The following PTPRR variants were observed in gnomAD, a reference collection of about 807,000 sequenced individuals.
The protein encoded by PTPRR is receptor-type tyrosine-protein phosphatase R.
PTPRR carries 38 observed loss-of-function variants against 77.2 expected under a neutral mutation model. That is an observed-to-expected ratio of 0.49 (90% confidence interval 0.38 to 0.65). The LOEUF (loss-of-function observed/expected upper bound fraction) is 0.65, where lower values mean the gene tolerates loss of function less well. Ranked by LOEUF, PTPRR falls within the 30% of genes least tolerant of loss-of-function variation. The pLI is 0.00. For synonymous variants in PTPRR, 299 were observed against 283.1 expected, an observed-to-expected ratio of 1.06 and a Z score of -0.57; for missense variants, 744 against 799.2, an observed-to-expected ratio of 0.93 and a Z score of 0.83.
rs1891195214 is a variant in PTPRR at position 70,781,154 on chromosome 12, A to G, written c.358-16376T>C. On this transcript the variant is annotated intron_variant, in intron 2 of 13. Coordinates refer to ENST00000283228, the MANE Select transcript of PTPRR (RefSeq NM_002849.4). ...CCTACGTCTTTTTCAGGCAGGAGAG[A>G]CAGCTGCTATGTCTTGGTCCACTAA... Among the ~76,000 whole-genome samples, 3 of 152,184 alleles carry G rather than the reference A, an allele frequency of 2.0e-5. No homozygotes were observed. The South Asian group carries it at 6.2e-4, about 31-fold the overall frequency.
intron 4 of PTPRR, chr12:70,754,776 A>G: frequency 6.7e-7 from 1 of 1,501,530 alleles, no homozygotes; most frequent in Non-Finnish European, 8.9e-7. Context: ...TACAGCAACA[A>G]TGCCAGCATT....
chr12:70,642,683 A>T (rs547805203), intron 13 of PTPRR, among the ~76,000 whole-genome samples: 1 of 152,156 alleles, frequency 6.6e-6, no homozygotes, highest in Non-Finnish European at 1.5e-5. Flanking sequence ...TTGTCAAATG[A>T]ATTACCCAGG....
chr12:70,779,525 C>T (rs7958783), intron 2 of PTPRR, among the ~76,000 whole-genome samples: 19,465 of 152,176 alleles, frequency 0.13, 1,321 homozygotes, highest in African/African-American at 0.15. Flanking sequence ...ATCAGATCAC[C>T]CTGCTTTCTT....
At chr12:70,774,741 T>G (rs982419326) in intron 2 of PTPRR, among the ~76,000 whole-genome samples, 13 of 152,182 alleles carry the variant, frequency 8.5e-5, no homozygotes, top group Non-Finnish European at 1.5e-4. Flanking sequence ...ATGCCAGGCA[T>G]TATATATGAG....
intron 6 of PTPRR, among the ~76,000 whole-genome samples, chr12:70,716,879 A>G (rs1889050979): frequency 6.6e-6 from 1 of 152,210 alleles, no homozygotes; most frequent in African/African-American, 2.4e-5. Flanking sequence ...ATCACAGAAG[A>G]CACTTCAGTC....
intron 13 of PTPRR, among the ~76,000 whole-genome samples, chr12:70,651,336 A>T (rs1886387118): frequency 6.6e-6 from 1 of 152,236 alleles, no homozygotes; most frequent in Non-Finnish European, 1.5e-5. Context: ...GTGTTATGCC[A>T]TCTCCCATCT....
chr12:70,753,298 G>A (rs557357889), intron 5 of PTPRR, among the ~76,000 whole-genome samples: 25 of 152,100 alleles, frequency 1.6e-4, no homozygotes, highest in Non-Finnish European at 3.4e-4. Flanking sequence ...TAGCAACATT[G>A]TTGATTGTGG....
At chr12:70,819,785 T>A (rs900508485) in intron 2 of PTPRR, among the ~76,000 whole-genome samples, 1 of 152,230 alleles carries the variant, frequency 6.6e-6, no homozygotes, top group Non-Finnish European at 1.5e-5. Flanking sequence ...GCATTGCTTT[T>A]GGTCAAACTT....
intron 2 of PTPRR, among the ~76,000 whole-genome samples, chr12:70,840,597 T>C (rs1892379816): frequency 6.6e-6 from 1 of 152,162 alleles, no homozygotes; most frequent in African/African-American, 2.4e-5. Flanking sequence ...CTTTTTTAAC[T>C]TGACCTTTCC....
intron 2 of PTPRR, among the ~76,000 whole-genome samples, chr12:70,811,309 T>G (rs1364770031): frequency 6.6e-6 from 1 of 152,206 alleles, no homozygotes. Context: ...AGAAGTTCAG[T>G]AAACATTCTC....
chr12:70,865,502 G>A (rs753301856), intron 2 of PTPRR, among the ~76,000 whole-genome samples: 1 of 152,032 alleles, frequency 6.6e-6, no homozygotes, highest in Non-Finnish European at 1.5e-5. Context: ...GAAATGCCTC[G>A]CCTAGGTGTT....
chr12:70,896,957 T>A (rs1214809799), intron 1 of PTPRR, among the ~76,000 whole-genome samples: 1 of 151,890 alleles, frequency 6.6e-6, no homozygotes. Flanking sequence ...CTGTGTTCTG[T>A]TCCATTGGTC....
chr12:70,905,274 G>C (rs545203502), intron 1 of PTPRR, among the ~76,000 whole-genome samples: 2 of 151,856 alleles, frequency 1.3e-5, no homozygotes, highest in Admixed American at 6.6e-5. Flanking sequence ...TCTCATAAGA[G>C]AGTGAGGACT....
intron 2 of PTPRR, among the ~76,000 whole-genome samples, chr12:70,862,734 G>A (rs112796229): frequency 0.015 from 2,240 of 145,542 alleles, 73 homozygotes; most frequent in African/African-American, 0.054. Flanking sequence ...AAAACTTAAA[G>A]TATAATAATA....
intron 6 of PTPRR, among the ~76,000 whole-genome samples, chr12:70,720,491 T>G (rs913540772): frequency 2.6e-5 from 4 of 151,478 alleles, no homozygotes; most frequent in Non-Finnish European, 5.9e-5. Flanking sequence ...GTAGAGGTAT[T>G]GCTCTGTTAC....
At position 70,920,382 on chromosome 12, in the gene PTPRR, T is replaced by C. The variant is rs761533199; in HGVS notation, c.9A>G (p.Arg3=). Reference sequence around the variant, plus strand: ...GGCACAGCGCAGGGAAGCAGACTGCTCTCCGCATAGTGTTTGCATTGAGAG... The same window carrying C: ...GGCACAGCGCAGGGAAGCAGACTGCCCTCCGCATAGTGTTTGCATTGAGAG... MR[R]AVCFPALCLL... The change falls in exon 1 of 14, where the codon AGA becomes AGG. Residue 3 remains arginine (R), a synonymous_variant. Transcript: ENST00000283228. 1 of 1,613,376 alleles carries C rather than the reference T, an allele frequency of 6.2e-7. No homozygotes were observed. The highest frequency in any genetic ancestry group is 8.5e-7 in the Non-Finnish European group (1 of 1,179,794).
At chr12:70,733,420 A>C in intron 6 of PTPRR, among the ~76,000 whole-genome samples, 1 of 48,414 alleles carries the variant, frequency 2.1e-5, no homozygotes, top group Non-Finnish European at 4.4e-5. Flanking sequence ...ATACAAACAA[A>C]CAACAACAAA....
At chr12:70,654,535 C>T (rs1315417802) in intron 13 of PTPRR, among the ~76,000 whole-genome samples, 1 of 151,870 alleles carries the variant, frequency 6.6e-6, no homozygotes, top group African/African-American at 2.4e-5. Flanking sequence ...ACTCTGTCTC[C>T]AGGAAAAAAA....
chr12:70,857,732 C>T (rs2137075544), intron 2 of PTPRR, among the ~76,000 whole-genome samples: 1 of 152,144 alleles, frequency 6.6e-6, no homozygotes, highest in East Asian at 1.9e-4. Context: ...TTTGGAAACA[C>T]ATAAAAGCCT....
Sources: gnomAD v4.1 joint callset for allele counts (sites outside exome capture counted in the v4.1 genomes callset) on GRCh38, gnomAD v4.1.1 for gene constraint, MANE v1.5 for transcripts, NCBI Gene and HGNC (gene_info 2026-07-23, HGNC 2026-07-21) for gene names.